The following DOP1A variants were observed in gnomAD, a reference collection of about 807,000 sequenced individuals.
DOP1A encodes DOP1 leucine zipper like protein A, also known as protein DOP1A.
DOP1A carries 90 observed loss-of-function variants against 267.6 expected under a neutral mutation model. The observed-to-expected ratio is 0.34, with a 90% CI of 0.28 to 0.40. DOP1A has a LOEUF of 0.40. Among genes scored for constraint, DOP1A ranks in the 10% least tolerant of loss-of-function variants. DOP1A has a pLI of 1.00. For synonymous variants in DOP1A, 932 were observed against 999.1 expected (o/e 0.93, Z 1.27); for missense variants, 2,437 against 2,900.4 (o/e 0.84, Z 3.67).
chr6:83,095,389 T>C (rs1188687675), intron 1 of DOP1A, among the ~76,000 whole-genome samples: 1 of 152,108 alleles, frequency 6.6e-6, no homozygotes, highest in African/African-American at 2.4e-5. Context: ...TCAACTTTGT[T>C]CTTTTGCACA....
Position 83,156,058 on chromosome 6 carries a change from A to G in DOP1A, c.6559A>G (p.Ser2187Gly). 1 of 1,614,002 alleles carries G rather than the reference A, an allele frequency of 6.2e-7. No individual in the cohort carries two copies. The highest frequency in any genetic ancestry group is 8.5e-7 in the Non-Finnish European group (1 of 1,179,926). Residue 2187 changes from serine (S) to glycine (G), a missense_variant, in exon 34 of 39, where the codon AGC becomes GGC. Physicochemically the swap from Ser to Gly is moderately conservative, Grantham distance 56. This residue lies in a region of DOP1A where 75 missense variants were observed against 149.6 expected (regional missense o/e 0.50). Transcript: ENST00000349129. The stretch of plus-strand genomic sequence containing the variant: ...TAAAAGATTAGCATTTGCTATTTTT[A>G]GCAGTGAAATTGACCAGTACCAGAA... ...LLKRLAFAIF[S>G]SEIDQYQKYL...
chr6:83,134,283 G>A lies in DOP1A; in HGVS notation c.2866G>A (p.Asp956Asn), dbSNP rs1778530726. 6.2e-7 allele frequency: 1 copy of A among 1,610,162 alleles called. No homozygotes were observed. Among genetic ancestry groups the A allele is most frequent in the Non-Finnish European group, 8.5e-7 (1 of 1,178,132 alleles). The part of the protein sequence containing the change: ...NKSSSFVRSF[D>N]RSLFIMLDSL... ...ATCTTCATCTTTTGTACGTTCTTTT[G>A]ACAGGTCAGTTACATTTTATATTAA... is the stretch of plus-strand genomic sequence containing the variant. Residue 956 changes from aspartate (D) to asparagine (N), a missense_variant, in exon 19 of 39, where the codon GAC becomes AAC. This residue lies in a region of DOP1A where 878 missense variants were observed against 992.9 expected (regional missense o/e 0.88). Coordinates refer to ENST00000349129, the MANE Select transcript of DOP1A (RefSeq NM_015018.4).
At chr6:83,073,076 T>G in intron 1 of DOP1A, 1 of 230,264 alleles carries the variant, frequency 4.3e-6, no homozygotes, top group Non-Finnish European at 9.1e-6. Flanking sequence ...AGCAGTTCAC[T>G]TTTTTTTCCT....
At chr6:83,133,134 A>G (rs1347751308) in intron 18 of DOP1A, among the ~76,000 whole-genome samples, 5 of 152,194 alleles carry the variant, frequency 3.3e-5, no homozygotes, top group African/African-American at 1.2e-4. Context: ...ATTCCAAGAA[A>G]AATGTTAAAA....
intron 15 of DOP1A, 33 bp downstream of exon 15, chr6:83,125,766 G>C: frequency 6.5e-7 from 1 of 1,540,730 alleles, no homozygotes. Flanking sequence ...GTATTAGACT[G>C]TTCATATTTC....
In DOP1A at chr6:83,096,841, G is replaced by A. The variant is rs368270942; in HGVS notation, c.-54+18G>A. On this transcript the variant is annotated intron_variant, in intron 2 of 38. Coordinates refer to ENST00000349129, the MANE Select transcript of DOP1A (RefSeq NM_015018.4). ...TGCTAACAGTAAGGAACATTTTCAA[G>A]TTAGTCATTACCTTTGTAGTAAGAT... 4.7e-5 allele frequency: 46 copies of A among 975,260 alleles called. No individual in the cohort carries two copies. In the African/African-American group the frequency reaches 6.7e-4, roughly 14 times the overall value. 60.4% of individuals were successfully genotyped at this position (975,260 alleles called of 1,614,324 possible).
intron 1 of DOP1A, among the ~76,000 whole-genome samples, chr6:83,075,608 A>G (rs929933333): frequency 4.6e-5 from 7 of 152,224 alleles, no homozygotes; most frequent in African/African-American, 1.7e-4. Context: ...TTGCAAAGCT[A>G]TAGTAATCAA....
chr6:83,138,407 TC>T lies in DOP1A; in HGVS notation c.4366del (p.Ile1457PhefsTer23). 6.2e-7 allele frequency: 1 copy of T among 1,611,302 alleles called. No homozygotes were observed. The highest frequency in any genetic ancestry group is 8.5e-7 in the Non-Finnish European group (1 of 1,179,818). On this transcript the variant is annotated frameshift_variant, in exon 21 of 39. Transcript: ENST00000349129. LOFTEE classifies it high-confidence loss of function. ...NFRSSMYIEI[L>X]ISLCLYYMRS... Reference sequence around the variant, plus strand: ...TCCGGAGTTCTATGTACATAGAAATTCTTATTTCTCTCTGCTTATATTACAT... The same window carrying T: ...TCCGGAGTTCTATGTACATAGAAATTTTATTTCTCTCTGCTTATATTACAT...
chr6:83,163,837 G>C (rs1259015727), intron 38 of DOP1A, among the ~76,000 whole-genome samples: 1 of 152,052 alleles, frequency 6.6e-6, no homozygotes, highest in Non-Finnish European at 1.5e-5. Flanking sequence ...AAGGGGAAAA[G>C]TGGGAATTTA....
At position 83,137,309 on chromosome 6, in the gene DOP1A, T is replaced by G. The variant is rs202226388; in HGVS notation, c.3267T>G (p.Ile1089Met). 38 of 1,613,744 alleles carry G rather than the reference T, an allele frequency of 2.4e-5. No homozygotes were observed. The Admixed American group carries it at 5.8e-4, about 25-fold the overall frequency. ...TCCTAAGTACCAGCAGTGAGACAAT[T>G]CCAATGGTTGTGTCTGATTTTGATC... ...LSLLSTSSET[I>M]PMVVSDFDLP... The change falls in exon 21 of 39, where the codon ATT (isoleucine) becomes ATG (methionine). Residue 1089 changes from isoleucine (I) to methionine (M), a missense_variant. This residue lies in a region of DOP1A where 878 missense variants were observed against 992.9 expected (regional missense o/e 0.88). Coordinates refer to ENST00000349129, the MANE Select transcript of DOP1A (RefSeq NM_015018.4).
At chr6:83,101,735 T>G (rs1299771575) in intron 4 of DOP1A, among the ~76,000 whole-genome samples, 2 of 152,172 alleles carry the variant, frequency 1.3e-5, no homozygotes, top group African/African-American at 4.8e-5. Context: ...TACCCATGAT[T>G]TATTTTTTAT....
chr6:83,168,356 C>T lies in DOP1A; in HGVS notation c.*189C>T, dbSNP rs1786355929. The T allele has an allele frequency of 2.1e-6, 3 of 1,398,772 alleles. No individual in the cohort carries two copies. Among genetic ancestry groups the T allele is most frequent in the African/African-American group, 1.4e-5 (1 of 69,056 alleles). The allele number at this position is 1,398,772 out of a possible 1,614,324, so 86.6% of individuals were successfully genotyped here. A position where few individuals can be genotyped will look rare whatever the true frequency, so the allele number is the denominator to read the frequency against. On this transcript the variant is annotated 3_prime_UTR_variant, in exon 39 of 39. Coordinates refer to ENST00000349129, the MANE Select transcript of DOP1A (RefSeq NM_015018.4). ...CTGAATCAAGTTTAAATATTGTTGG[C>T]TCATACTGATTATGGTGCCTAAGAG... is the stretch of plus-strand genomic sequence containing the variant.
intron 18 of DOP1A, among the ~76,000 whole-genome samples, chr6:83,132,535 T>TTA (rs1239996109): frequency 6.6e-6 from 1 of 152,118 alleles, no homozygotes; most frequent in Non-Finnish European, 1.5e-5. Flanking sequence ...GCATCAGTAA[T>TTA]ATGAAAAATT....
intron 38 of DOP1A, among the ~76,000 whole-genome samples, chr6:83,164,010 T>C (rs1784838411): frequency 6.6e-6 from 1 of 151,308 alleles, no homozygotes; most frequent in African/African-American, 2.4e-5. Context: ...GCCTTTGTTA[T>C]TAACCTTTTG....
chr6:83,074,285 G>T (rs1360088253), intron 1 of DOP1A, among the ~76,000 whole-genome samples: 1 of 151,890 alleles, frequency 6.6e-6, no homozygotes, highest in Non-Finnish European at 1.5e-5. Context: ...TTAAGATACA[G>T]ATTTTATTTA....
chr6:83,071,033 AAATC>A (rs1481667923), intron 1 of DOP1A, among the ~76,000 whole-genome samples: 1 of 152,232 alleles, frequency 6.6e-6, no homozygotes, highest in Non-Finnish European at 1.5e-5. Context: ...AAAATAATGA[AAATC>A]AAAGTCCCCT....
intron 3 of DOP1A, among the ~76,000 whole-genome samples, chr6:83,100,258 G>A (rs1582931919): frequency 6.6e-6 from 1 of 152,094 alleles, no homozygotes; most frequent in Non-Finnish European, 1.5e-5. Flanking sequence ...TGATATACTA[G>A]GACAATGGTT....
chr6:83,155,427 A>G (rs1466727682), intron 33 of DOP1A, among the ~76,000 whole-genome samples: 1 of 152,146 alleles, frequency 6.6e-6, no homozygotes, highest in Non-Finnish European at 1.5e-5. Context: ...TGCCCACTGC[A>G]CTTCAGACTG....
At chr6:83,121,790 T>A in intron 10 of DOP1A, 140 bp from the exon 11 acceptor site, 1 of 799,606 alleles carries the variant, frequency 1.3e-6, no homozygotes. Flanking sequence ...CAAAGAAGTG[T>A]GAATTTAGCT....
Sources: allele counts gnomAD v4.1 joint callset (sites outside exome capture counted in the v4.1 genomes callset), GRCh38; gene constraint gnomAD v4.1.1; regional missense constraint gnomAD v4.1.1; transcripts MANE v1.5; gene names NCBI Gene and HGNC (gene_info 2026-07-23, HGNC 2026-07-21).